Variants in SARS2 observed in about 807,000 individuals in gnomAD.
SARS2 encodes the protein seryl-tRNA synthetase 2, mitochondrial.
In SARS2, 52 loss-of-function variants were observed where a neutral mutation model predicts 66.8. The ratio of observed to expected loss-of-function variants is 0.78; its 90% CI spans 0.62 to 0.98. The LOEUF (loss-of-function observed/expected upper bound fraction) is 0.98, where lower values mean the gene tolerates loss of function less well. Among genes scored for constraint, SARS2 ranks in the 50% least tolerant of loss-of-function variants. The probability of loss-of-function intolerance (pLI) is 0.00; values close to 1 mark genes in which losing one functional copy is unlikely to be tolerated. For synonymous variants in SARS2, 306 were observed against 281.4 expected (o/e 1.09, Z -0.87); for missense variants, 673 against 706.3 (o/e 0.95, Z 0.53).
At chr19:38,920,980 AAC>A (rs1168518463) in intron 5 of SARS2, among the ~76,000 whole-genome samples, 36 of 138,332 alleles carry the variant, frequency 2.6e-4, no homozygotes, top group African/African-American at 6.8e-4. Flanking sequence ...GACACACACA[AAC>A]ACAGACACAC....
At chr19:38,929,015 G>A (rs374943421) in intron 1 of SARS2, among the ~76,000 whole-genome samples, 15 of 150,936 alleles carry the variant, frequency 9.9e-5, no homozygotes, top group African/African-American at 3.2e-4. Flanking sequence ...TCAAGAGTTC[G>A]AGACCAGCCT....
At position 38,921,680 on chromosome 19, in the gene SARS2, C is replaced by A; in HGVS notation, c.394-13G>T. ...GGTACTTGGGGTCCTGGGGGCAGCA[C>A]AGGTGGGCTCAGCCCGGGAGAGGGT... On this transcript the variant is annotated splice_polypyrimidine_tract_variant and intron_variant, in intron 3 of 15. Coordinates refer to ENST00000221431, the MANE Select transcript of SARS2 (RefSeq NM_017827.4). 3.1e-6 allele frequency: 5 copies of A among 1,613,844 alleles called. No individual in the cohort carries two copies. Among genetic ancestry groups the A allele is most frequent in the East Asian group, 2.2e-5 (1 of 44,874 alleles).
chr19:38,929,411 C>T (rs1025181135), intron 1 of SARS2, among the ~76,000 whole-genome samples: 1 of 150,110 alleles, frequency 6.7e-6, no homozygotes, highest in Non-Finnish European at 1.5e-5. Flanking sequence ...AAAAGTTTAG[C>T]CGGGCGTGGT....
chr19:38,925,727 T>C (rs1319844395), intron 2 of SARS2, among the ~76,000 whole-genome samples: 2 of 152,174 alleles, frequency 1.3e-5, no homozygotes, highest in Non-Finnish European at 2.9e-5. Flanking sequence ...GGGCTGGGGA[T>C]GCTGGAAGAA....
rs1383779160 is a variant in SARS2, at chr19:38,923,396, G to A, written c.364-1129C>T. On this transcript the variant is annotated intron_variant, in intron 2 of 15. Transcript: ENST00000221431. ...GCCACTACGCCCGGCTAATTTTTTTGTATTTTTAGTAGAGACGGGGTTTCA... is the reference window on the plus strand; with the variant it reads ...GCCACTACGCCCGGCTAATTTTTTTATATTTTTAGTAGAGACGGGGTTTCA... 3.4e-5 allele frequency among the ~76,000 whole-genome samples: 5 copies of A among 146,526 alleles called. No homozygotes were observed. The East Asian group carries it at 8.5e-4, about 25-fold the overall frequency.
intron 12 of SARS2, among the ~76,000 whole-genome samples, chr19:38,917,305 C>A (rs1486314939): frequency 6.6e-6 from 1 of 152,240 alleles, no homozygotes; most frequent in African/African-American, 2.4e-5. Flanking sequence ...AAGAAGTCCA[C>A]ATTTCTCAGC....
intron 2 of SARS2, among the ~76,000 whole-genome samples, chr19:38,923,195 G>A (rs967575693): frequency 1.4e-5 from 2 of 140,086 alleles, no homozygotes; most frequent in Non-Finnish European, 3.1e-5. Flanking sequence ...GTGAGCCACC[G>A]CGCCCAGCCT....
chr19:38,920,685 ACG>A (rs1491413869), intron 5 of SARS2, among the ~76,000 whole-genome samples: 3 of 151,966 alleles, frequency 2.0e-5, no homozygotes, highest in Non-Finnish European at 2.9e-5. Flanking sequence ...ACACAGATAC[ACG>A]GATACAGACA....
intron 2 of SARS2, among the ~76,000 whole-genome samples, chr19:38,922,872 C>G (rs1243035270): frequency 6.6e-6 from 1 of 151,876 alleles, no homozygotes; most frequent in Admixed American, 6.6e-5. Flanking sequence ...TCAATTAAAC[C>G]TCTTTTCTTT....
chr19:38,924,019 C>T (rs1484913996), intron 2 of SARS2, among the ~76,000 whole-genome samples: 3 of 151,742 alleles, frequency 2.0e-5, no homozygotes, highest in Middle Eastern at 3.4e-3. Flanking sequence ...GTAATCCCAG[C>T]GACTCAGGAG....
At chr19:38,920,357 A>G (rs932006319) in intron 5 of SARS2, among the ~76,000 whole-genome samples, 6 of 151,270 alleles carry the variant, frequency 4.0e-5, no homozygotes, top group Non-Finnish European at 5.9e-5. Context: ...AGAGACAGGG[A>G]GAGGAAATGA....
At position 38,921,548 on chromosome 19, in the gene SARS2, G is replaced by A; in HGVS notation, c.513C>T (p.Pro171=). The change falls in exon 4 of 16, where the codon CCC becomes CCT. Residue 171 remains proline, a synonymous_variant. Coordinates refer to ENST00000221431, the MANE Select transcript of SARS2 (RefSeq NM_017827.4). ...TCACCACGTCTGGGTGGGTCTGGTT[G>A]GGCAGCTTCAGCGCCTGCAGGTAGA... ...EQFYLQALKL[P]NQTHPDVPVG... 1 of 1,614,188 alleles carries A rather than the reference G, an allele frequency of 6.2e-7. No individual in the cohort carries two copies.
chr19:38,929,708 T>C (rs1454297078), intron 1 of SARS2, among the ~76,000 whole-genome samples: 1 of 152,122 alleles, frequency 6.6e-6, no homozygotes, highest in Non-Finnish European at 1.5e-5. Context: ...GGAGAAATAA[T>C]GGCACCTACT....
chr19:38,917,964 C>A lies in SARS2; in HGVS notation c.1007G>T (p.Gly336Val). ...TCGATACAGCCCCCGGGGTTCCTGT[C>A]CCGTGTTTGTCTCTGCCCGGTAGCA... ...STCYRAETNT[G>V]QEPRGLYRVH... is the part of the protein sequence containing the mutation. Residue 336 changes from glycine to valine, a missense_variant, in exon 11 of 16, where the codon GGA (glycine) becomes GTA (valine). Transcript: ENST00000221431. The A allele has an allele frequency of 1.9e-6, 3 of 1,607,848 alleles. No homozygotes were observed. The highest frequency in any genetic ancestry group is 2.5e-6 in the Non-Finnish European group (3 of 1,177,028).
chr19:38,926,367 C>T (rs1402109675), intron 1 of SARS2, 67 bp from the exon 2 acceptor site: 5 of 1,463,308 alleles, frequency 3.4e-6, no homozygotes, highest in East Asian at 4.7e-5. Context: ...CTGGAGCCCA[C>T]TGGCCACCTG....
chr19:38,929,342 C>T (rs1319313394), intron 1 of SARS2, among the ~76,000 whole-genome samples: 2 of 151,050 alleles, frequency 1.3e-5, no homozygotes, highest in Non-Finnish European at 2.9e-5. Flanking sequence ...ATCACTTGGG[C>T]GCAGGAGTTC....
At chr19:38,919,971 G>T (rs769300343) in intron 6 of SARS2, 104 bp from the exon 7 acceptor site, 12 of 1,359,508 alleles carry the variant, frequency 8.8e-6, no homozygotes, top group African/African-American at 1.4e-5. Flanking sequence ...TGGGGCTGGG[G>T]CATCAAAGAT....
rs768814624 is a variant in SARS2, at chr19:38,916,312, A to G, written c.1163T>C (p.Val388Ala). ...CAGTTCTTGGGTGGGCATATCCAGG[A>G]CCCTGCGGTCAAGGACGAAGGTGTG... is the stretch of plus-strand genomic sequence containing the variant. ...ILTELGLHFR[V>A]LDMPTQELGL... The change falls in exon 13 of 16, where the codon GTC (valine) becomes GCC (alanine). Residue 388 changes from valine to alanine, a missense_variant and splice_region_variant. Physicochemically the swap from Val to Ala is moderately conservative, Grantham distance 64. Coordinates refer to ENST00000221431, the MANE Select transcript of SARS2 (RefSeq NM_017827.4). 1 of 1,613,914 alleles carries G rather than the reference A, an allele frequency of 6.2e-7. No homozygotes were observed. The highest frequency in any genetic ancestry group is 8.5e-7 in the Non-Finnish European group (1 of 1,179,850).
In SARS2 at chr19:38,915,684, A is replaced by G; in HGVS notation, c.1479T>C (p.Pro493=). 6.2e-7 allele frequency: 1 copy of G among 1,613,188 alleles called. No homozygotes were observed. Among genetic ancestry groups the G allele is most frequent in the Non-Finnish European group, 8.5e-7 (1 of 1,179,562 alleles). ...SYLGTDRITA[P]THVPLQYIGP... ...CGATGTACTGGAGAGGCACGTGGGT[A>G]GGGGCTGTGATCCGATCAGTGCCGA... Residue 493 remains proline (P), a synonymous_variant, in exon 16 of 16, where the codon CCT becomes CCC. Transcript: ENST00000221431.
Sources: gnomAD v4.1 joint callset for allele counts (sites outside exome capture counted in the v4.1 genomes callset) on GRCh38, gnomAD v4.1.1 for gene constraint, MANE v1.5 for transcripts, NCBI Gene and HGNC (gene_info 2026-07-23, HGNC 2026-07-21) for gene names.